The following EIF4ENIF1 variants were observed in gnomAD, a reference collection of about 807,000 sequenced individuals.
EIF4ENIF1 encodes eukaryotic translation initiation factor 4E transporter.
A neutral mutation model predicts 110.5 loss-of-function variants in EIF4ENIF1; 23 were observed. The ratio of observed to expected loss-of-function variants is 0.21; its 90% CI spans 0.15 to 0.29. The LOEUF is 0.29. EIF4ENIF1 is among the 10% of genes least tolerant of loss of function. EIF4ENIF1 has a pLI of 1.00. For synonymous variants in EIF4ENIF1, 440 were observed against 437.0 expected (o/e 1.01, Z -0.09); for missense variants, 1,031 against 1,221.1 (o/e 0.84, Z 2.32).
rs1009092369 is a variant in EIF4ENIF1 at position 31,477,369 on chromosome 22, AAAAAACAAAAAAAAC to A, written c.97-5467_97-5453del. On this transcript the variant is annotated intron_variant, in intron 2 of 18. Transcript: ENST00000330125. ...AGACCTCTGTCTCCAAAAAAAAAAA[AAAAAACAAAAAAAAC>A]AAAAAAAGAGAATTTGAAATTGAGA... 2.1e-4 allele frequency among the ~76,000 whole-genome samples: 20 copies of A among 95,450 alleles called. 1 individual carries two copies. The highest frequency in any genetic ancestry group is 4.8e-4 in the African/African-American group (13 of 27,018). 62.6% of individuals were successfully genotyped at this position (95,450 alleles called of 152,430 possible).
chr22:31,439,643 A>T lies in EIF4ENIF1; in HGVS notation c.*237T>A. The stretch of plus-strand genomic sequence containing the variant: ...TTCATTCACATATCTTACAAAAAAG[A>T]AAGACCATTTCCAGGATTGACAACA... On this transcript the variant is annotated 3_prime_UTR_variant, in exon 19 of 19. Coordinates refer to ENST00000330125, the MANE Select transcript of EIF4ENIF1 (RefSeq NM_019843.4). 1 of 571,754 alleles carries T rather than the reference A, an allele frequency of 1.7e-6. No individual in the cohort carries two copies. Among genetic ancestry groups the T allele is most frequent in the Non-Finnish European group, 3.0e-6 (1 of 338,388 alleles). 35.4% of individuals were successfully genotyped at this position (571,754 alleles called of 1,614,324 possible).
Position 31,478,006 on chromosome 22 carries a change from A to G in EIF4ENIF1, c.97-6089T>C, listed in dbSNP as rs760500507. On this transcript the variant is annotated intron_variant, in intron 2 of 18. Coordinates refer to ENST00000330125, the MANE Select transcript of EIF4ENIF1 (RefSeq NM_019843.4). Reference sequence around the variant, plus strand: ...TTCAAAAGATTTCCAATGAATGCCCAAGAGGTTAAAAATTATTGCTTCCAA... The same window carrying G: ...TTCAAAAGATTTCCAATGAATGCCCGAGAGGTTAAAAATTATTGCTTCCAA... 2.4e-4 allele frequency among the ~76,000 whole-genome samples: 37 copies of G among 152,244 alleles called. 1 individual carries two copies. The highest frequency in any genetic ancestry group is 1.8e-4 in the Non-Finnish European group (12 of 68,050).
At position 31,463,853 on chromosome 22, in the gene EIF4ENIF1, C is replaced by T. The variant is rs776183415; in HGVS notation, c.413G>A (p.Ser138Asn). ...TAAVSSRRSGSPLEKDSDGLR... is the reference protein window; with the variant it reads ...TAAVSSRRSGNPLEKDSDGLR... Reference sequence around the variant, plus strand: ...CCCATCACTATCTTTCTCTAATGGACTTCCTGAGCGCCGGGAGCTAACAGC... The same window carrying T: ...CCCATCACTATCTTTCTCTAATGGATTTCCTGAGCGCCGGGAGCTAACAGC... Residue 138 changes from serine to asparagine, a missense_variant, in exon 5 of 19, where the codon AGT (serine) becomes AAT (asparagine). Around this residue, in one of 3 missense-constraint regions of EIF4ENIF1, gnomAD observed 704 missense variants for 879.7 expected, o/e 0.80. Transcript: ENST00000330125. The T allele has an allele frequency of 2.0e-5, 32 of 1,614,114 alleles. No individual in the cohort carries two copies. Among genetic ancestry groups the T allele is most frequent in the Non-Finnish European group, 2.7e-5 (32 of 1,180,042 alleles).
At chr22:31,440,902 CTT>C (rs1426265881) in intron 17 of EIF4ENIF1, 34 bp from the exon 18 acceptor site, 5 of 1,611,090 alleles carry the variant, frequency 3.1e-6, no homozygotes, top group Non-Finnish European at 4.2e-6. Context: ...GCTGAGTAGT[CTT>C]AATGTTACCT....
downstream of EIF4ENIF1, among the ~76,000 whole-genome samples, chr22:31,438,500 A>G (rs1300435594): frequency 2.0e-5 from 3 of 152,174 alleles, no homozygotes; most frequent in African/African-American, 7.2e-5. Flanking sequence ...CCCAGTAAAC[A>G]TGATTTGTTT....
At position 31,488,304 on chromosome 22, in the gene EIF4ENIF1, G is replaced by C. The variant is rs1223387619; in HGVS notation, c.96+319C>G. 7.2e-5 allele frequency among the ~76,000 whole-genome samples: 11 copies of C among 152,084 alleles called. No individual in the cohort carries two copies. In the East Asian group the frequency reaches 2.1e-3, roughly 29 times the overall value. On this transcript the variant is annotated intron_variant, in intron 2 of 18. Coordinates refer to ENST00000330125, the MANE Select transcript of EIF4ENIF1 (RefSeq NM_019843.4). ...GCATCCTAGGGCTTTAATCCTCACA[G>C]TACAGTATGTAAATCAATAAACGTA...
rs2050224531 is a variant in EIF4ENIF1, at chr22:31,439,381, T to C, written c.*499A>G. On this transcript the variant is annotated 3_prime_UTR_variant, in exon 19 of 19. Coordinates refer to ENST00000330125, the MANE Select transcript of EIF4ENIF1 (RefSeq NM_019843.4). ...ATGTCAGTTACTTCATTCACACACT[T>C]AGCATATGCAATTTTAATCAACCAA... 1 of 156,238 alleles carries C rather than the reference T, an allele frequency of 6.4e-6. No individual in the cohort carries two copies. The highest frequency in any genetic ancestry group is 1.4e-5 in the Non-Finnish European group (1 of 70,208). 9.7% of individuals were successfully genotyped at this position (156,238 alleles called of 1,614,324 possible). A position where few individuals can be genotyped will look rare whatever the true frequency, so the allele number is the denominator to read the frequency against.
intron 10 of EIF4ENIF1, 22 bp downstream of exon 10, chr22:31,454,122 G>A (rs780133556): frequency 1.8e-5 from 29 of 1,599,044 alleles, no homozygotes; most frequent in Admixed American, 3.3e-5. Context: ...AAAAGGGTGG[G>A]GGGTTTGTGT....
At position 31,454,305 on chromosome 22, in the gene EIF4ENIF1, C is replaced by A. The variant is rs143718537; in HGVS notation, c.1351G>T (p.Val451Leu). 6.2e-7 allele frequency: 1 copy of A among 1,614,050 alleles called. No individual in the cohort carries two copies. The highest frequency in any genetic ancestry group is 8.5e-7 in the Non-Finnish European group (1 of 1,180,034). The change falls in exon 10 of 19, where the codon GTG (valine) becomes TTG (leucine). Residue 451 changes from valine (V) to leucine (L), a missense_variant. By Grantham distance (32) the Val-to-Leu change is conservative (BLOSUM62 1). Around this residue, in one of 3 missense-constraint regions of EIF4ENIF1, gnomAD observed 704 missense variants for 879.7 expected, o/e 0.80. Transcript: ENST00000330125. ...GLKGLKVDQQVKNSTPFMAEH... is the reference protein window; with the variant it reads ...GLKGLKVDQQLKNSTPFMAEH... ...GCCATGAAGGGAGTTGAATTCTTCA[C>A]TTGCTGGTCAACCTTCAAGCCCTTC...
intron 4 of EIF4ENIF1, 31 bp from the exon 5 acceptor site, chr22:31,463,998 C>G (rs756731808): frequency 1.3e-5 from 21 of 1,591,404 alleles, no homozygotes; most frequent in African/African-American, 2.7e-5. Context: ...CAAAGTTAAA[C>G]AAACCAACAA....
intron 6 of EIF4ENIF1, chr22:31,461,948 AC>A (rs55868312): frequency 0.23 from 34,365 of 152,138 alleles, 4,999 homozygotes; most frequent in East Asian, 0.46. Context: ...AAAAGTACCT[AC>A]ACTGCACAAG....
At chr22:31,450,416 A>G (rs986718894) in intron 10 of EIF4ENIF1, 56 bp from the exon 11 acceptor site, 48 of 1,394,884 alleles carry the variant, frequency 3.4e-5, no homozygotes, top group Non-Finnish European at 4.6e-5. Context: ...TAACTTACAG[A>G]TTGATTGGGG....
chr22:31,463,651 TAA>T (rs71319194), intron 5 of EIF4ENIF1, 28 bp downstream of exon 5: 49,499 of 1,275,166 alleles, frequency 0.039, no homozygotes, highest in East Asian at 0.062. Flanking sequence ...CGTCTCAATT[TAA>T]AAAAAAAAAA....
chr22:31,484,422 G>A (rs1227924552), intron 2 of EIF4ENIF1, among the ~76,000 whole-genome samples: 1 of 151,928 alleles, frequency 6.6e-6, no homozygotes, highest in East Asian at 1.9e-4. Context: ...GAAAGCAACT[G>A]AACACTAAAC....
intron 17 of EIF4ENIF1, 122 bp from the exon 18 acceptor site, chr22:31,440,990 T>C: frequency 7.5e-7 from 1 of 1,334,454 alleles, no homozygotes; most frequent in Non-Finnish European, 1.0e-6. Flanking sequence ...GCGCAGTGGC[T>C]CACGCCTGTA....
At chr22:31,454,027 G>A in intron 10 of EIF4ENIF1, 117 bp downstream of exon 10, 1 of 849,304 alleles carries the variant, frequency 1.2e-6, no homozygotes, top group Non-Finnish European at 1.8e-6. Flanking sequence ...AGGACCAAAT[G>A]ACTACTAAAG....
intron 4 of EIF4ENIF1, among the ~76,000 whole-genome samples, chr22:31,465,870 C>A (rs920493382): frequency 6.6e-6 from 1 of 152,154 alleles, no homozygotes; most frequent in African/African-American, 2.4e-5. Context: ...GTGGATAAAT[C>A]GTAACTATTC....
chr22:31,460,057 G>A (rs1017652926), intron 6 of EIF4ENIF1, among the ~76,000 whole-genome samples: 1 of 152,160 alleles, frequency 6.6e-6, no homozygotes, highest in Non-Finnish European at 1.5e-5. Context: ...GCTTTATTGG[G>A]TGCTGCTTTA....
intron 2 of EIF4ENIF1, among the ~76,000 whole-genome samples, chr22:31,480,079 T>C (rs963720267): frequency 5.3e-5 from 8 of 152,124 alleles, no homozygotes; most frequent in Non-Finnish European, 1.0e-4. Flanking sequence ...ATATGGCGAA[T>C]ATAAGAGTTA....
Sources: allele counts gnomAD v4.1 joint callset (sites outside exome capture counted in the v4.1 genomes callset), GRCh38; gene constraint gnomAD v4.1.1; regional missense constraint gnomAD v4.1.1; transcripts MANE v1.5; gene names NCBI Gene and HGNC (gene_info 2026-07-23, HGNC 2026-07-21).